The following MACF1 variants were observed in gnomAD, a reference collection of about 807,000 sequenced individuals.
The protein encoded by MACF1 is microtubule actin crosslinking factor 1.
A neutral mutation model predicts 854.8 loss-of-function variants in MACF1; 193 were observed. That is an observed-to-expected ratio of 0.23 (90% CI 0.20 to 0.25). The LOEUF is 0.25. Ranked by LOEUF, MACF1 falls within the 10% of genes least tolerant of loss-of-function variation. The pLI is 1.00. For missense variants in MACF1, 7,722 were observed against 8,929.1 expected, an observed-to-expected ratio of 0.86 and a Z score of 5.45; for synonymous variants, 3,185 against 3,226.7, an observed-to-expected ratio of 0.99 and a Z score of 0.44.
chr1:39,266,653 A>G (rs568961801), intron 6 of MACF1, among the ~76,000 whole-genome samples: 69 of 116,340 alleles, frequency 5.9e-4, no homozygotes, highest in African/African-American at 2.3e-3. Flanking sequence ...AGGCTATGCT[A>G]GTGTAAGTCT....
At position 39,420,742 on chromosome 1, in the gene MACF1, AT is replaced by A. The variant is rs1293086946; in HGVS notation, c.15817-1628del. ...TTTATATTTATTTTTGTCCTCTTCC[AT>A]TTTCTGTCATCCTCTGGCCTTAATT... On this transcript the variant is annotated intron_variant, in intron 58 of 100. Transcript: ENST00000564288. Among the ~76,000 whole-genome samples, 14 of 151,792 alleles carry A rather than the reference AT, an allele frequency of 9.2e-5. No individual in the cohort carries two copies. The East Asian group carries it at 2.7e-3, about 29-fold the overall frequency.
At chr1:39,308,182 G>T (rs1195779823) in intron 23 of MACF1, among the ~76,000 whole-genome samples, 1 of 152,006 alleles carries the variant, frequency 6.6e-6, no homozygotes, top group East Asian at 1.9e-4. Context: ...GGGATTACAG[G>T]CGTGAGCCAC....
At chr1:39,469,498 C>A in intron 96 of MACF1, 49 bp from the exon 97 acceptor site, 1 of 1,397,512 alleles carries the variant, frequency 7.2e-7, no homozygotes, top group Non-Finnish European at 9.9e-7. Flanking sequence ...CTAGTTTCTG[C>A]GTTTCCTGCC....
intron 2 of MACF1, among the ~76,000 whole-genome samples, chr1:39,115,032 T>G (rs1428041813): frequency 6.6e-6 from 1 of 151,874 alleles, no homozygotes; most frequent in Non-Finnish European, 1.5e-5. Context: ...GAAGGAGAGA[T>G]GAGATGAGAT....
chr1:39,208,774 G>T (rs1005003610), intron 1 of MACF1, among the ~76,000 whole-genome samples: 2 of 151,928 alleles, frequency 1.3e-5, no homozygotes, highest in Non-Finnish European at 2.9e-5. Context: ...ACAGGCGCAC[G>T]CCACCACACC....
intron 23 of MACF1, among the ~76,000 whole-genome samples, chr1:39,305,347 A>G (rs1646149337): frequency 6.6e-6 from 1 of 151,882 alleles, no homozygotes; most frequent in Non-Finnish European, 1.5e-5. Flanking sequence ...AAAGTTTATT[A>G]TAATAAAAAT....
chr1:39,279,306 T>C (rs888684192), intron 6 of MACF1, among the ~76,000 whole-genome samples: 6 of 152,202 alleles, frequency 3.9e-5, no homozygotes, highest in Non-Finnish European at 5.9e-5. Context: ...CCCATACTCT[T>C]CTATTCTCAC....
At chr1:39,156,833 AT>A (rs1643698481) in intron 2 of MACF1, among the ~76,000 whole-genome samples, 1 of 152,198 alleles carries the variant, frequency 6.6e-6, no homozygotes, top group Non-Finnish European at 1.5e-5. Context: ...AAAATGAACC[AT>A]GTATTTGTGT....
At chr1:39,232,869 ACCT>A (rs1413804262) in intron 2 of MACF1, among the ~76,000 whole-genome samples, 7 of 151,022 alleles carry the variant, frequency 4.6e-5, no homozygotes, top group Non-Finnish European at 1.0e-4. Flanking sequence ...TGCAGCCCTA[ACCT>A]CCTGGGCTTG....
At chr1:39,360,052 T>TATATATAC (rs1197982446) in intron 47 of MACF1, among the ~76,000 whole-genome samples, 51 of 49,800 alleles carry the variant, frequency 1.0e-3, no homozygotes, top group Non-Finnish European at 1.5e-3. Context: ...TATATATATA[T>TATATATAC]ACACACACAC....
At chr1:39,350,739 A>G (rs769191699) in intron 42 of MACF1, 46 bp from the exon 43 acceptor site, 83 of 1,382,948 alleles carry the variant, frequency 6.0e-5, no homozygotes, top group Non-Finnish European at 8.2e-5. Context: ...AGGACTTAGA[A>G]GCACTAAAGT....
chr1:39,157,999 T>A, intron 2 of MACF1, among the ~76,000 whole-genome samples: 1 of 152,240 alleles, frequency 6.6e-6, no homozygotes, highest in Non-Finnish European at 1.5e-5. Context: ...ATGAGTCTAA[T>A]AATGCAGATG....
chr1:39,266,772 A>G (rs1645238129), intron 6 of MACF1, among the ~76,000 whole-genome samples: 1 of 151,500 alleles, frequency 6.6e-6, no homozygotes. Flanking sequence ...ATATAATTTT[A>G]TTCTCCATTC....
intron 55 of MACF1, among the ~76,000 whole-genome samples, chr1:39,381,378 T>TG (rs1263653376): frequency 0.02 from 2,076 of 101,848 alleles, 79 homozygotes; most frequent in East Asian, 0.057. Context: ...TTTTTTTTTT[T>TG]GGGGGGGGGG....
At chr1:39,263,181 A>G (rs1036029384) in intron 6 of MACF1, among the ~76,000 whole-genome samples, 2 of 152,116 alleles carry the variant, frequency 1.3e-5, no homozygotes, top group Non-Finnish European at 2.9e-5. Flanking sequence ...AGTCTGTGTT[A>G]TTGGTGTTAA....
chr1:39,172,566 C>T (rs1387412367), intron 2 of MACF1, among the ~76,000 whole-genome samples: 1 of 152,118 alleles, frequency 6.6e-6, no homozygotes, highest in African/African-American at 2.4e-5. Context: ...GATTTGGTAC[C>T]ATTATAGATA....
In MACF1 at chr1:39,317,359, C is replaced by T. The variant is rs1339519553; in HGVS notation, c.3734C>T (p.Ser1245Phe). ...LDLERYQEKG[S>F]QLQERWHRVI... ...TTGGAGCGCTATCAGGAAAAAGGCT[C>T]CCAGCTGCAGGAGCGTTGGCACCGA... Residue 1245 changes from serine (S) to phenylalanine (F), a missense_variant, in exon 29 of 101, where the codon TCC becomes TTC. By Grantham distance (155) the Ser-to-Phe change is radical. Around this residue, in one of 15 missense-constraint regions of MACF1, gnomAD observed 1,137 missense variants for 1,263.0 expected, o/e 0.90. Coordinates refer to ENST00000564288, the MANE Select transcript of MACF1 (RefSeq NM_001394062.1). The T allele has an allele frequency of 2.5e-6, 4 of 1,613,584 alleles. No homozygotes were observed. The highest frequency in any genetic ancestry group is 3.3e-5 in the Admixed American group (2 of 60,004).
At chr1:39,420,007 G>T (rs981816855) in intron 58 of MACF1, among the ~76,000 whole-genome samples, 2 of 152,176 alleles carry the variant, frequency 1.3e-5, no homozygotes, top group Non-Finnish European at 2.9e-5. Flanking sequence ...TGTCCAGTAG[G>T]ACTTGCTGCC....
At chr1:39,234,519 G>C (rs867095350) in intron 2 of MACF1, among the ~76,000 whole-genome samples, 2 of 127,376 alleles carry the variant, frequency 1.6e-5, no homozygotes, top group South Asian at 6.3e-4. Flanking sequence ...CTCACCTCCC[G>C]GACGGGGCGG....
Sources: allele counts gnomAD v4.1 joint callset (sites outside exome capture counted in the v4.1 genomes callset), GRCh38; gene constraint gnomAD v4.1.1; regional missense constraint gnomAD v4.1.1; transcripts MANE v1.5; gene names NCBI Gene and HGNC (gene_info 2026-07-23, HGNC 2026-07-21).